The following ATP10B variants were observed in gnomAD, a reference collection of about 807,000 sequenced individuals.
ATP10B encodes ATPase phospholipid transporting 10B (putative), also known as phospholipid-transporting ATPase VB.
A neutral mutation model predicts 141.2 loss-of-function variants in ATP10B; 122 were observed. The ratio of observed to expected loss-of-function variants is 0.86; its 90% CI spans 0.75 to 1.00. The LOEUF (loss-of-function observed/expected upper bound fraction) is 1.00. Ranked by LOEUF, ATP10B falls within the 50% of genes least tolerant of loss-of-function variation. The pLI is 0.00. For missense variants in ATP10B, 1,876 were observed against 1,825.3 expected (o/e 1.03, Z -0.51); for synonymous variants, 685 against 692.0 (o/e 0.99, Z 0.16).
intron 1 of ATP10B, among the ~76,000 whole-genome samples, chr5:160,819,216 A>G (rs931354868): frequency 1.1e-4 from 16 of 152,124 alleles, no homozygotes; most frequent in African/African-American, 2.7e-4. Flanking sequence ...TGGAGCCCCA[A>G]TATGTCTGGC....
intron 24 of ATP10B, among the ~76,000 whole-genome samples, chr5:160,585,959 T>A (rs1755863948): frequency 6.6e-6 from 1 of 152,130 alleles, no homozygotes; most frequent in Non-Finnish European, 1.5e-5. Context: ...TGGAGCAGGA[T>A]TTTAAAAAAT....
At chr5:160,735,090 G>T (rs951609855) in intron 2 of ATP10B, among the ~76,000 whole-genome samples, 1 of 144,904 alleles carries the variant, frequency 6.9e-6, no homozygotes, top group Admixed American at 6.9e-5. Context: ...AGTAGGAAGA[G>T]AAGATTAAAA....
At chr5:160,799,562 CGA>C (rs1772222697) in intron 1 of ATP10B, among the ~76,000 whole-genome samples, 1 of 152,070 alleles carries the variant, frequency 6.6e-6, no homozygotes, top group Admixed American at 6.5e-5. Flanking sequence ...TATTTGAGGG[CGA>C]GAGAGCATGT....
intron 1 of ATP10B, among the ~76,000 whole-genome samples, chr5:160,831,987 GAAC>G (rs1296722865): frequency 6.6e-6 from 1 of 151,996 alleles, no homozygotes; most frequent in Non-Finnish European, 1.5e-5. Context: ...TCCTTTTATA[GAAC>G]AATAATGGGA....
At chr5:160,812,316 T>G (rs1240917935) in intron 1 of ATP10B, among the ~76,000 whole-genome samples, 1 of 152,170 alleles carries the variant, frequency 6.6e-6, no homozygotes, top group Admixed American at 6.5e-5. Context: ...GCCCAGATTG[T>G]GAAGCTATAA....
intron 1 of ATP10B, among the ~76,000 whole-genome samples, chr5:160,845,666 G>C (rs1776076058): frequency 6.6e-6 from 1 of 152,116 alleles, no homozygotes; most frequent in Non-Finnish European, 1.5e-5. Flanking sequence ...AGCCCCCTGT[G>C]ATACCCAAGC....
chr5:160,650,118 T>TTATATATATA lies in ATP10B; in HGVS notation c.676-872_676-863dup, dbSNP rs147437606. Among the ~76,000 whole-genome samples, 791 of 145,824 alleles carry TTATATATATA rather than the reference T, an allele frequency of 5.4e-3. 8 individuals carry two copies. Among genetic ancestry groups the TTATATATATA allele is most frequent in the African/African-American group, 0.02 (755 of 38,114 alleles). Reference sequence around the variant, plus strand: ...AGACTCTGTCTCAAAAAAAAAAATTTTATATATATATATATACACACACAC... The same window carrying TTATATATATA: ...AGACTCTGTCTCAAAAAAAAAAATTTTATATATATATATATATATATATATACACACACAC... On this transcript the variant is annotated intron_variant, in intron 7 of 25. Coordinates refer to ENST00000327245, the MANE Select transcript of ATP10B (RefSeq NM_025153.3).
intron 21 of ATP10B, among the ~76,000 whole-genome samples, chr5:160,602,053 C>G (rs1757126967): frequency 6.6e-6 from 1 of 152,142 alleles, no homozygotes; most frequent in Non-Finnish European, 1.5e-5. Flanking sequence ...TCAAATCCTT[C>G]TTTGTTACAA....
At chr5:160,694,757 G>A (rs535928482) in intron 3 of ATP10B, among the ~76,000 whole-genome samples, 1 of 152,236 alleles carries the variant, frequency 6.6e-6, no homozygotes, top group South Asian at 2.1e-4. Flanking sequence ...TTATATACCA[G>A]GTGAGTAAAA....
chr5:160,855,312 T>C (rs1352243976), upstream of ATP10B, among the ~76,000 whole-genome samples: 1 of 152,130 alleles, frequency 6.6e-6, no homozygotes, highest in African/African-American at 2.4e-5. Context: ...CACTACTCTT[T>C]AGTTATTTCA....
At chr5:160,691,115 C>A (rs1275278342) in intron 3 of ATP10B, among the ~76,000 whole-genome samples, 1 of 152,090 alleles carries the variant, frequency 6.6e-6, no homozygotes, top group Non-Finnish European at 1.5e-5. Flanking sequence ...AACAGAAAAC[C>A]AAACACCACA....
chr5:160,747,162 G>C (rs1320352691), intron 2 of ATP10B, among the ~76,000 whole-genome samples: 2 of 152,168 alleles, frequency 1.3e-5, no homozygotes, highest in Non-Finnish European at 2.9e-5. Context: ...ATGTACTCCA[G>C]TTCATTGTTG....
Position 160,688,060 on chromosome 5 carries a change from C to G in ATP10B, c.15G>C (p.Val5=), listed in dbSNP as rs1763874419. The change falls in exon 5 of 26, where the codon GTG becomes GTC. Residue 5 remains valine (V), a synonymous_variant. Transcript: ENST00000327245. The part of the protein sequence containing the change: MALS[V]DSSWHRWQWR... ...ACTGCCACCGATGCCACGATGAGTC[C>G]ACTGAGAGGGCCATTTCCAGCAGCA... The G allele has an allele frequency of 2.5e-6, 4 of 1,612,608 alleles. No homozygotes were observed. Among genetic ancestry groups the G allele is most frequent in the Non-Finnish European group, 3.4e-6 (4 of 1,179,646 alleles).
chr5:160,602,754 C>T (rs1273522492), intron 20 of ATP10B, 52 bp from the exon 21 acceptor site: 9 of 1,609,856 alleles, frequency 5.6e-6, no homozygotes, highest in African/African-American at 1.3e-5. Flanking sequence ...GCCAGTGCCC[C>T]AGAGGGACTC....
intron 7 of ATP10B, among the ~76,000 whole-genome samples, chr5:160,652,961 ACATG>A (rs1760977199): frequency 2.5e-5 from 2 of 81,162 alleles, no homozygotes; most frequent in Admixed American, 1.8e-4. Flanking sequence ...TATTATATAT[ACATG>A]TATATATAAT....
chr5:160,653,623 T>TATATATAC (rs201263819), intron 7 of ATP10B, among the ~76,000 whole-genome samples: 10 of 49,928 alleles, frequency 2.0e-4, no homozygotes, highest in Non-Finnish European at 4.1e-4. Flanking sequence ...ACATATATAT[T>TATATATAC]ATATATACAT....
the ATP10B span, among the ~76,000 whole-genome samples, chr5:160,869,243 C>T: frequency 4.6e-5 from 7 of 152,246 alleles, no homozygotes; most frequent in African/African-American, 7.2e-5. Flanking sequence ...CTGCCCAACT[C>T]AACTGTAAAT....
At chr5:160,815,882 C>G (rs1050435060) in intron 1 of ATP10B, among the ~76,000 whole-genome samples, 10 of 152,106 alleles carry the variant, frequency 6.6e-5, no homozygotes, top group South Asian at 2.1e-4. Context: ...TCAACTACAT[C>G]GAAACTGAAC....
In ATP10B at chr5:160,632,214, C is replaced by T. The variant is rs746366188; in HGVS notation, c.1535G>A (p.Arg512Gln). 134 of 1,614,036 alleles carry T rather than the reference C, an allele frequency of 8.3e-5. No homozygotes were observed. The highest frequency in any genetic ancestry group is 8.0e-4 in the East Asian group (36 of 44,882). Residue 512 changes from arginine (R) to glutamine (Q), a missense_variant, in exon 13 of 26, where the codon CGG becomes CAG. Physicochemically the swap from Arg to Gln is conservative, Grantham distance 43 (BLOSUM62 1). Coordinates refer to ENST00000327245, the MANE Select transcript of ATP10B (RefSeq NM_025153.3). ...CCGGTAGTGGCCCTGGATGGGCACC[C>T]GGGCACTCTGGCTCCTCCTCAGAGG... ...AQPLRRSQSARVPIQGHYRQR... is the reference protein window; with the variant it reads ...AQPLRRSQSAQVPIQGHYRQR...
Sources: allele counts gnomAD v4.1 joint callset (sites outside exome capture counted in the v4.1 genomes callset), GRCh38; gene constraint gnomAD v4.1.1; transcripts MANE v1.5; gene names NCBI Gene and HGNC (gene_info 2026-07-23, HGNC 2026-07-21).